STXBP6: variants seen among roughly 807,000 people sequenced by gnomAD.
STXBP6 encodes syntaxin binding protein 6, also known as syntaxin-binding protein 6.
In STXBP6, 21 loss-of-function variants were observed where a neutral mutation model predicts 26.9. That is an observed-to-expected ratio of 0.78 (90% CI 0.55 to 1.12). STXBP6 has a LOEUF of 1.12. Ranked by LOEUF, STXBP6 falls within the 50% of genes most tolerant of loss-of-function variation. The probability of loss-of-function intolerance (pLI) is 0.00; values close to 1 mark genes in which losing one functional copy is unlikely to be tolerated. For synonymous variants in STXBP6, 97 were observed against 92.6 expected, an observed-to-expected ratio of 1.05 and a Z score of -0.27; for missense variants, 232 against 257.9, an observed-to-expected ratio of 0.90 and a Z score of 0.69.
chr14:24,852,896 C>G (rs118017790), intron 4 of STXBP6, among the ~76,000 whole-genome samples: 3 of 152,124 alleles, frequency 2.0e-5, no homozygotes, highest in African/African-American at 7.2e-5. Flanking sequence ...TGGGCCTGCC[C>G]TGGCATCTTA....
chr14:24,824,995 T>C (rs1019839629), intron 4 of STXBP6, among the ~76,000 whole-genome samples: 1 of 152,220 alleles, frequency 6.6e-6, no homozygotes, highest in African/African-American at 2.4e-5. Context: ...GTTACAGTGC[T>C]CCAAGGAAAG....
chr14:25,049,034 G>A lies in STXBP6; in HGVS notation c.-33+844C>T. ...GAGAAGGTTCGTTATGAAATCCTGG[G>A]GCCAGAACCAAGGGCAGATACACCC... On this transcript the variant is annotated intron_variant, in intron 1 of 5. Transcript: ENST00000323944. This position sits in a 1 kb window ranked among gnomAD's most constrained non-coding sequence, Gnocchi z 5.6. 3 of 444,336 alleles carry A rather than the reference G, an allele frequency of 6.8e-6. No individual in the cohort carries two copies. The highest frequency in any genetic ancestry group is 8.9e-6 in the Non-Finnish European group (3 of 335,444). 27.5% of individuals were successfully genotyped at this position (444,336 alleles called of 1,614,324 possible).
intron 1 of STXBP6, among the ~76,000 whole-genome samples, chr14:24,978,975 C>T (rs10145076): frequency 0.24 from 36,162 of 152,002 alleles, 5,555 homozygotes; most frequent in African/African-American, 0.43. Context: ...GGTCAGGAGA[C>T]CAAGAGTAGT....
At chr14:24,897,873 C>G (rs1055109012) in intron 2 of STXBP6, among the ~76,000 whole-genome samples, 33 of 152,292 alleles carry the variant, frequency 2.2e-4, no homozygotes, top group African/African-American at 5.5e-4. Flanking sequence ...GACTAAGTGG[C>G]TTGGCTCTTA....
At chr14:24,961,273 A>G (rs2140121586) in intron 2 of STXBP6, among the ~76,000 whole-genome samples, 1 of 152,238 alleles carries the variant, frequency 6.6e-6, no homozygotes, top group East Asian at 1.9e-4. Context: ...TGAGGCTGGA[A>G]GGTGGGAGAA....
At chr14:25,035,413 A>G (rs2075533183) in intron 1 of STXBP6, among the ~76,000 whole-genome samples, 1 of 152,238 alleles carries the variant, frequency 6.6e-6, no homozygotes, top group African/African-American at 2.4e-5. Flanking sequence ...TTCAAAGTAC[A>G]AAGCACCATT....
At chr14:25,032,635 A>C (rs561748390) in intron 1 of STXBP6, among the ~76,000 whole-genome samples, 13 of 152,354 alleles carry the variant, frequency 8.5e-5, no homozygotes, top group African/African-American at 2.9e-4. Flanking sequence ...AGCAGCTCCC[A>C]CTAGTGGTGG....
chr14:24,929,577 T>C (rs2072306595), intron 2 of STXBP6, among the ~76,000 whole-genome samples: 1 of 152,244 alleles, frequency 6.6e-6, no homozygotes, highest in African/African-American at 2.4e-5. Context: ...CCAAGGAAGC[T>C]AATAAACATT....
At chr14:25,040,203 G>A (rs140115547) in intron 1 of STXBP6, among the ~76,000 whole-genome samples, 40 of 152,270 alleles carry the variant, frequency 2.6e-4, no homozygotes, top group African/African-American at 9.6e-4. Flanking sequence ...CCATATGAAT[G>A]AGCCATGTTT....
intron 1 of STXBP6, among the ~76,000 whole-genome samples, chr14:24,987,104 T>C (rs773775270): frequency 1.1e-4 from 16 of 152,234 alleles, no homozygotes; most frequent in Non-Finnish European, 2.4e-4. Flanking sequence ...ACTACCCTAA[T>C]ATGAACTCAA....
At chr14:24,842,464 T>G (rs546945129) in intron 4 of STXBP6, among the ~76,000 whole-genome samples, 1 of 152,344 alleles carries the variant, frequency 6.6e-6, no homozygotes, top group African/African-American at 2.4e-5. Context: ...TATGTTTTCT[T>G]TTTCCTGAAA....
chr14:24,962,241 T>C (rs1463998237), intron 2 of STXBP6, among the ~76,000 whole-genome samples: 6 of 152,102 alleles, frequency 3.9e-5, no homozygotes, highest in Non-Finnish European at 8.8e-5. Flanking sequence ...ATGTTAAATA[T>C]TATAGGGATT....
intron 2 of STXBP6, among the ~76,000 whole-genome samples, chr14:24,883,381 A>G (rs2070445043): frequency 6.6e-6 from 1 of 152,234 alleles, no homozygotes; most frequent in Non-Finnish European, 1.5e-5. Flanking sequence ...TTCATACTTC[A>G]TTCAGATTTC....
intron 2 of STXBP6, among the ~76,000 whole-genome samples, chr14:24,954,597 G>A (rs1028555356): frequency 6.6e-6 from 1 of 152,180 alleles, no homozygotes; most frequent in Non-Finnish European, 1.5e-5. Context: ...CCTTTAGTGC[G>A]ACCACAGATG....
chr14:25,024,209 T>C (rs964643752), intron 1 of STXBP6, among the ~76,000 whole-genome samples: 3 of 151,932 alleles, frequency 2.0e-5, no homozygotes, highest in African/African-American at 4.8e-5. Context: ...CTCAGGATGC[T>C]GAGGCAGAAG....
intron 2 of STXBP6, among the ~76,000 whole-genome samples, chr14:24,875,079 A>G (rs1460171992): frequency 1.3e-5 from 2 of 152,218 alleles, no homozygotes; most frequent in African/African-American, 4.8e-5. Context: ...AGCTAACTGA[A>G]TAACAGCAGC....
chr14:24,857,937 A>C (rs2069397804), intron 2 of STXBP6, among the ~76,000 whole-genome samples: 1 of 152,060 alleles, frequency 6.6e-6, no homozygotes, highest in South Asian at 2.1e-4. Flanking sequence ...TGGAGACTCA[A>C]GGGTAGGAAG....
chr14:25,010,109 CA>C (rs1179239348), intron 1 of STXBP6, among the ~76,000 whole-genome samples: 1 of 152,208 alleles, frequency 6.6e-6, no homozygotes, highest in Non-Finnish European at 1.5e-5. Flanking sequence ...TCCAGCTCAA[CA>C]TGCATTCCTG....
chr14:24,956,448 A>C (rs1361943336), intron 2 of STXBP6, among the ~76,000 whole-genome samples: 1 of 152,228 alleles, frequency 6.6e-6, no homozygotes, highest in Non-Finnish European at 1.5e-5. Flanking sequence ...AATGAATATG[A>C]AGAAAATAAA....
Sources: allele counts gnomAD v4.1 joint callset (sites outside exome capture counted in the v4.1 genomes callset), GRCh38; gene constraint gnomAD v4.1.1; non-coding constraint Gnocchi (gnomAD v3.1); transcripts MANE v1.5; gene names NCBI Gene and HGNC (gene_info 2026-07-23, HGNC 2026-07-21).